The following LINGO1 variants were observed in gnomAD, a reference collection of about 807,000 sequenced individuals.
The protein encoded by LINGO1 is leucine-rich repeat and immunoglobulin-like domain-containing nogo receptor-interacting protein 1.
In LINGO1, 11 loss-of-function variants were observed where a neutral mutation model predicts 37.3. The observed-to-expected ratio is 0.29, with a 90% CI of 0.19 to 0.49. The LOEUF is 0.49. LINGO1 is among the 20% of genes least tolerant of loss of function. The pLI is 0.99. For synonymous variants in LINGO1, 387 were observed against 403.0 expected, an observed-to-expected ratio of 0.96 and a Z score of 0.48; for missense variants, 585 against 878.2, an observed-to-expected ratio of 0.67 and a Z score of 4.22.
chr15:77,794,584 A>T (rs2076855602), intron 2 of LINGO1, among the ~76,000 whole-genome samples: 2 of 26,968 alleles, frequency 7.4e-5, no homozygotes, highest in Admixed American at 7.9e-4. Context: ...ATATATATAT[A>T]TATATATTTT....
chr15:77,651,427 CA>C (rs1032775656), intron 3 of LINGO1: 2 of 152,192 alleles, frequency 1.3e-5, no homozygotes, highest in African/African-American at 4.8e-5. Context: ...AGAATCTTAA[CA>C]CCAGGTGGCC....
At chr15:77,766,129 G>GA (rs1338831865) in intron 1 of LINGO1, among the ~76,000 whole-genome samples, 3 of 151,804 alleles carry the variant, frequency 2.0e-5, no homozygotes, top group East Asian at 1.9e-4. Flanking sequence ...AGTGCAATGT[G>GA]AAAAAAACAA....
chr15:77,617,740 G>C (rs929926096), intron 1 of LINGO1, among the ~76,000 whole-genome samples: 8 of 152,252 alleles, frequency 5.3e-5, no homozygotes, highest in Non-Finnish European at 7.3e-5. Flanking sequence ...TCTGGGATAG[G>C]AGCTCTGGTC....
At chr15:77,628,707 C>T (rs1040947521) in intron 1 of LINGO1, among the ~76,000 whole-genome samples, 2 of 152,044 alleles carry the variant, frequency 1.3e-5, no homozygotes, top group Admixed American at 1.3e-4. Flanking sequence ...ACTGCTACTA[C>T]GATTAATACT....
intron 1 of LINGO1, among the ~76,000 whole-genome samples, chr15:77,753,513 C>A (rs938334590): frequency 6.6e-6 from 1 of 152,132 alleles, no homozygotes; most frequent in East Asian, 1.9e-4. Context: ...AGATGAACAT[C>A]GTCATGGAGA....
intron 1 of LINGO1, among the ~76,000 whole-genome samples, chr15:77,786,676 T>C (rs1193551009): frequency 2.0e-5 from 3 of 152,102 alleles, no homozygotes. Context: ...TGGCACCATC[T>C]CCTCGAATGA....
rs534055906 is a variant in LINGO1, at chr15:77,665,682, C to T, written c.-13+11407G>A. 6.8e-4 allele frequency among the ~76,000 whole-genome samples: 104 copies of T among 152,340 alleles called. 1 individual carries two copies. The highest frequency in any genetic ancestry group is 1.2e-3 in the Admixed American group (18 of 15,312). ...GCTGGGAATTCCACCCGCCTGCAGACGCTGACCTGCCCACACCGCACCCTC... is the reference window on the plus strand; with the variant it reads ...GCTGGGAATTCCACCCGCCTGCAGATGCTGACCTGCCCACACCGCACCCTC... On this transcript the variant is annotated intron_variant, in intron 3 of 3. Coordinates refer to the LINGO1 transcript ENST00000559893.
chr15:77,661,689 C>T (rs934774363), intron 3 of LINGO1, among the ~76,000 whole-genome samples: 1 of 152,212 alleles, frequency 6.6e-6, no homozygotes, highest in African/African-American at 2.4e-5. Flanking sequence ...ACCCTAGACC[C>T]TTGTCCTCTT....
At chr15:77,668,470 C>T (rs778266346) in intron 3 of LINGO1, among the ~76,000 whole-genome samples, 13 of 152,208 alleles carry the variant, frequency 8.5e-5, no homozygotes, top group South Asian at 2.1e-4. Flanking sequence ...TGAACTGTCA[C>T]GCAGGGCAGC....
chr15:77,630,224 C>A (rs556905773), intron 1 of LINGO1, among the ~76,000 whole-genome samples: 1 of 152,092 alleles, frequency 6.6e-6, no homozygotes, highest in African/African-American at 2.4e-5. Flanking sequence ...CCACTGGACA[C>A]GCTGCCTCAT....
At chr15:77,632,965 C>G (rs2074311424), upstream of LINGO1, among the ~76,000 whole-genome samples, 1 of 142,680 alleles carries the variant, frequency 7.0e-6, no homozygotes, top group African/African-American at 2.6e-5. The surrounding 1 kb of genome is among the most constrained non-coding windows in gnomAD (Gnocchi z 6.0). Flanking sequence ...GCGAGTGAGC[C>G]GCGGGAGCCG....
chr15:77,742,693 C>T (rs2076276103), intron 1 of LINGO1, among the ~76,000 whole-genome samples: 1 of 152,220 alleles, frequency 6.6e-6, no homozygotes, highest in African/African-American at 2.4e-5. Flanking sequence ...ATTTAGCCTG[C>T]TGGAGAGCTG....
upstream of LINGO1, among the ~76,000 whole-genome samples, chr15:77,636,766 T>G (rs1253537980): frequency 6.6e-6 from 1 of 152,020 alleles, no homozygotes; most frequent in Non-Finnish European, 1.5e-5. Context: ...GTGGGGGCCA[T>G]GTAGCCTCCA....
At chr15:77,782,893 ATCC>A (rs1259852337) in intron 1 of LINGO1, among the ~76,000 whole-genome samples, 1 of 151,886 alleles carries the variant, frequency 6.6e-6, no homozygotes, top group Non-Finnish European at 1.5e-5. Context: ...CACTGGCTTA[ATCC>A]CCTCCAGAGC....
intron 3 of LINGO1, chr15:77,652,041 T>C (rs753973922): frequency 6.6e-6 from 1 of 152,172 alleles, no homozygotes; most frequent in African/African-American, 2.4e-5. Context: ...CCCTGTTCCA[T>C]CCACTCTCTG....
intron 2 of LINGO1, among the ~76,000 whole-genome samples, chr15:77,794,015 C>T (rs992816821): frequency 2.6e-5 from 4 of 152,132 alleles, no homozygotes; most frequent in Non-Finnish European, 5.9e-5. Context: ...GCCCTCCTGC[C>T]CTGCGTCAGC....
At chr15:77,665,818 T>A (rs2075117542) in intron 3 of LINGO1, among the ~76,000 whole-genome samples, 1 of 152,214 alleles carries the variant, frequency 6.6e-6, no homozygotes, top group Non-Finnish European at 1.5e-5. Context: ...CCTCTGCCTG[T>A]GGTACTCATT....
chr15:77,755,209 C>G lies in LINGO1; in HGVS notation c.-256-20156G>C, dbSNP rs547037778. Reference sequence around the variant, plus strand: ...TACTCTGCTCCTGCCCATCCCAGGCCTGGCCCCATGCTGGCCTAGGGGAAG... The same window carrying G: ...TACTCTGCTCCTGCCCATCCCAGGCGTGGCCCCATGCTGGCCTAGGGGAAG... On this transcript the variant is annotated intron_variant, in intron 1 of 3. Coordinates refer to the LINGO1 transcript ENST00000561686. Among the ~76,000 whole-genome samples, 9 of 152,350 alleles carry G rather than the reference C, an allele frequency of 5.9e-5. No homozygotes were observed. The East Asian group carries it at 1.7e-3, about 29-fold the overall frequency.
chr15:77,653,271 C>T (rs2074799637), intron 3 of LINGO1, among the ~76,000 whole-genome samples: 1 of 152,174 alleles, frequency 6.6e-6, no homozygotes, highest in African/African-American at 2.4e-5. Flanking sequence ...TAGTCACTGT[C>T]CTTGCCTGCT....
Sources: gnomAD v4.1 joint callset for allele counts (sites outside exome capture counted in the v4.1 genomes callset) on GRCh38, gnomAD v4.1.1 for gene constraint, Gnocchi (gnomAD v3.1) non-coding constraint, MANE v1.5 for transcripts, NCBI Gene and HGNC (gene_info 2026-07-23, HGNC 2026-07-21) for gene names.